Variants in CCDC146 observed in about 807,000 individuals in gnomAD.
CCDC146 encodes coiled-coil domain containing 146, also known as coiled-coil domain-containing protein 146.
In CCDC146, 92 loss-of-function variants were observed where a neutral mutation model predicts 119.3. That is an observed-to-expected ratio of 0.77 (90% CI 0.65 to 0.92). The LOEUF is 0.92. CCDC146 is among the 40% of genes least tolerant of loss of function. The pLI is 0.00. For missense variants in CCDC146, 1,000 were observed against 1,103.0 expected (o/e 0.91, Z 1.32); for synonymous variants, 372 against 371.8 (o/e 1.00, Z -0.01).
chr7:77,261,867 T>C (rs955556533), intron 8 of CCDC146, among the ~76,000 whole-genome samples: 5 of 152,230 alleles, frequency 3.3e-5, no homozygotes, highest in Non-Finnish European at 5.9e-5. Flanking sequence ...TTAGGTTGGT[T>C]CTATGTCTTT....
At chr7:77,252,308 A>G (rs1355942088) in intron 4 of CCDC146, among the ~76,000 whole-genome samples, 1 of 152,228 alleles carries the variant, frequency 6.6e-6, no homozygotes, top group Non-Finnish European at 1.5e-5. Context: ...TGGTGAAAGA[A>G]AAGTCCACAG....
chr7:77,163,860 CTTTTTTTT>C (rs530810388), intron 1 of CCDC146, among the ~76,000 whole-genome samples: 2 of 110,042 alleles, frequency 1.8e-5, no homozygotes, highest in East Asian at 2.6e-4. Flanking sequence ...TCTTTTTTTT[CTTTTTTTT>C]TTTTTTTTTG....
chr7:77,137,074 A>G (rs1436807009), intron 1 of CCDC146, among the ~76,000 whole-genome samples: 1 of 152,112 alleles, frequency 6.6e-6, no homozygotes, highest in Non-Finnish European at 1.5e-5. Flanking sequence ...AAAAACAAAA[A>G]CTCTGAGTAA....
chr7:77,127,132 T>A (rs1304921964), intron 1 of CCDC146, among the ~76,000 whole-genome samples: 2 of 151,934 alleles, frequency 1.3e-5, no homozygotes, highest in Admixed American at 1.3e-4. Flanking sequence ...GTCCCGTGGG[T>A]GAGAGGGCAG....
At chr7:77,275,391 A>G (rs757535213) in intron 11 of CCDC146, among the ~76,000 whole-genome samples, 1 of 152,220 alleles carries the variant, frequency 6.6e-6, no homozygotes, top group Non-Finnish European at 1.5e-5. Context: ...ATGAGATTCA[A>G]TCATGCACTG....
rs572049996 is a variant in CCDC146 at position 77,256,508 on chromosome 7, A to G, written c.683A>G (p.Lys228Arg). ...EELLGHQVVL[K>R]DEVAHHQTIP... ...TTGTTGGGACATCAGGTCGTCCTAAAGGTGTGCTACTTACCGTTGATATTT... is the reference window on the plus strand; with the variant it reads ...TTGTTGGGACATCAGGTCGTCCTAAGGGTGTGCTACTTACCGTTGATATTT... The change falls in exon 6 of 19, where the codon AAG (lysine) becomes AGG (arginine). Residue 228 changes from lysine (K) to arginine (R), a missense_variant and splice_region_variant. Physicochemically the swap from Lys to Arg is conservative, Grantham distance 26. Around this residue, in one of 2 missense-constraint regions of CCDC146, gnomAD observed 985 missense variants for 1,045.3 expected, o/e 0.94. Transcript: ENST00000285871. 38 of 1,600,394 alleles carry G rather than the reference A, an allele frequency of 2.4e-5. No individual in the cohort carries two copies. The Admixed American group carries it at 5.0e-4, about 21-fold the overall frequency.
chr7:77,286,369 AAC>A (rs1301179954), intron 15 of CCDC146, among the ~76,000 whole-genome samples: 1 of 152,100 alleles, frequency 6.6e-6, no homozygotes, highest in Non-Finnish European at 1.5e-5. Flanking sequence ...CCATGACCCA[AAC>A]ACCTCTCACC....
chr7:77,249,648 G>A (rs1326604204), intron 4 of CCDC146, among the ~76,000 whole-genome samples: 3 of 151,888 alleles, frequency 2.0e-5, no homozygotes, highest in East Asian at 1.9e-4. Flanking sequence ...ATGTTAGCAT[G>A]GCATATCTTT....
chr7:77,239,247 A>G (rs1367150530), intron 3 of CCDC146, among the ~76,000 whole-genome samples: 2 of 152,242 alleles, frequency 1.3e-5, no homozygotes, highest in East Asian at 1.9e-4. Context: ...TACAATTTCA[A>G]TAGCTGAAGC....
chr7:77,286,658 G>A (rs1436132552), intron 15 of CCDC146, 140 bp from the exon 16 acceptor site: 4 of 718,818 alleles, frequency 5.6e-6, no homozygotes, highest in African/African-American at 5.3e-5. Context: ...CCAGCTGATG[G>A]GGTGTTAAGA....
At chr7:77,276,842 G>A (rs1300563869) in intron 11 of CCDC146, among the ~76,000 whole-genome samples, 2 of 152,306 alleles carry the variant, frequency 1.3e-5, no homozygotes, top group South Asian at 2.1e-4. Context: ...AGGCCAAGGC[G>A]GGTGGATCAC....
chr7:77,215,189 T>TG (rs1273789209), intron 2 of CCDC146, among the ~76,000 whole-genome samples: 3 of 117,370 alleles, frequency 2.6e-5, no homozygotes, highest in Middle Eastern at 4.3e-3. Context: ...ATTTTTTTGG[T>TG]GTTTTTTTTT....
chr7:77,133,387 G>A (rs550953149), intron 1 of CCDC146, among the ~76,000 whole-genome samples: 5 of 152,224 alleles, frequency 3.3e-5, no homozygotes, highest in African/African-American at 9.6e-5. Context: ...GTCTCACTTT[G>A]TTGCCCAGGC....
In CCDC146 at chr7:77,196,605, C is replaced by T. The variant is rs751263824; in HGVS notation, c.156+28781C>T. The T allele has an allele frequency of 1.1e-5, 18 of 1,614,098 alleles. No homozygotes were observed. In the East Asian group the frequency reaches 2.9e-4, roughly 26 times the overall value. ...CCAGCTGTGCCATTATAGTTACCAA[C>T]GTGTAAACGATATTTGAGAAACTCA... is the stretch of plus-strand genomic sequence containing the variant. On this transcript the variant is annotated intron_variant, in intron 2 of 18. Transcript: ENST00000285871. This position sits in a 1 kb window ranked among gnomAD's most constrained non-coding sequence, Gnocchi z 4.2.
At chr7:77,150,603 T>A (rs911624079) in intron 1 of CCDC146, among the ~76,000 whole-genome samples, 1 of 152,188 alleles carries the variant, frequency 6.6e-6, no homozygotes, top group Non-Finnish European at 1.5e-5. Flanking sequence ...GGTACGTTAT[T>A]GGTAGGAATA....
At chr7:77,271,993 G>C (rs1452285831) in intron 9 of CCDC146, among the ~76,000 whole-genome samples, 1 of 152,198 alleles carries the variant, frequency 6.6e-6, no homozygotes, top group South Asian at 2.1e-4. Flanking sequence ...CTGAGCATGA[G>C]GACAGCCCAC....
intron 1 of CCDC146, among the ~76,000 whole-genome samples, chr7:77,156,530 A>T (rs112204063): frequency 6.6e-6 from 1 of 152,058 alleles, no homozygotes; most frequent in Non-Finnish European, 1.5e-5. Context: ...TAAAAAAAGC[A>T]TCTCCATAAA....
rs1460429846 is a variant in CCDC146, at chr7:77,294,755, C to T, written c.2757C>T (p.Ala919=). The change falls in exon 19 of 19, where the codon GCC becomes GCT. Residue 919 remains alanine, a synonymous_variant. Coordinates refer to ENST00000285871, the MANE Select transcript of CCDC146 (RefSeq NM_020879.3). ...ATGCCTACATCCCAGAAGCAGATGC[C>T]ACTCTTCCTTTGCCAAAACCTTATG... ...RPNAYIPEAD[A]TLPLPKPYGA... is the part of the protein sequence containing the mutation. 4.3e-6 allele frequency: 7 copies of T among 1,614,042 alleles called. No individual in the cohort carries two copies. Among genetic ancestry groups the T allele is most frequent in the Non-Finnish European group, 5.9e-6 (7 of 1,180,038 alleles).
At chr7:77,276,774 GGGA>G (rs1204921939) in intron 11 of CCDC146, among the ~76,000 whole-genome samples, 8 of 152,054 alleles carry the variant, frequency 5.3e-5, no homozygotes, top group Non-Finnish European at 1.2e-4. Context: ...GGAGAGATGT[GGGA>G]AGATCATCTT....
Sources: allele counts gnomAD v4.1 joint callset (sites outside exome capture counted in the v4.1 genomes callset), GRCh38; gene constraint gnomAD v4.1.1; regional missense constraint gnomAD v4.1.1; non-coding constraint Gnocchi (gnomAD v3.1); transcripts MANE v1.5; gene names NCBI Gene and HGNC (gene_info 2026-07-23, HGNC 2026-07-21).